TAS2R1: variants seen among roughly 807,000 people sequenced by gnomAD.
The protein encoded by TAS2R1 is taste receptor type 2 member 1.
For synonymous variants in TAS2R1, 141 were observed against 134.2 expected, an observed-to-expected ratio of 1.05 and a Z score of -0.35; for missense variants, 370 against 353.4, an observed-to-expected ratio of 1.05 and a Z score of -0.38.
At chr5:9,706,873 G>A (rs1741626135) in intron 1 of TAS2R1, among the ~76,000 whole-genome samples, 1 of 152,154 alleles carries the variant, frequency 6.6e-6, no homozygotes, top group Admixed American at 6.5e-5. Flanking sequence ...CGACAGGGCA[G>A]GGCTGGAGAA....
At chr5:9,690,704 A>G (rs1371946883) in intron 1 of TAS2R1, among the ~76,000 whole-genome samples, 1 of 151,902 alleles carries the variant, frequency 6.6e-6, no homozygotes, top group East Asian at 1.9e-4. Context: ...GTAACTGGAC[A>G]CAGACATAAA....
chr5:9,749,134 C>T, the TAS2R1 span, among the ~76,000 whole-genome samples: 1 of 152,122 alleles, frequency 6.6e-6, no homozygotes, highest in African/African-American at 2.4e-5. Flanking sequence ...CTGGAAAATA[C>T]AGAATTTTAC....
chr5:9,657,487 A>G (rs1361357117), intron 2 of TAS2R1, among the ~76,000 whole-genome samples: 2 of 152,212 alleles, frequency 1.3e-5, no homozygotes, highest in Non-Finnish European at 1.5e-5. Flanking sequence ...GACAAGAGAC[A>G]AGATGATGTT....
At chr5:9,893,596 C>A in the TAS2R1 span, among the ~76,000 whole-genome samples, 1 of 150,538 alleles carries the variant, frequency 6.6e-6, no homozygotes, top group Non-Finnish European at 1.5e-5. Context: ...GTAATACATA[C>A]TTGTAATAAA....
chr5:9,782,318 T>C, the TAS2R1 span, among the ~76,000 whole-genome samples: 1 of 152,240 alleles, frequency 6.6e-6, no homozygotes, highest in Non-Finnish European at 1.5e-5. Flanking sequence ...TTTGCAGGTT[T>C]CTGGAAGATT....
the TAS2R1 span, among the ~76,000 whole-genome samples, chr5:9,766,895 C>T: frequency 2.0e-5 from 3 of 152,202 alleles, no homozygotes; most frequent in African/African-American, 7.2e-5. Context: ...GTTTCCTCCA[C>T]CGCCCTGGCT....
At chr5:9,662,488 A>AGTT (rs751593488) in intron 1 of TAS2R1, among the ~76,000 whole-genome samples, 1 of 152,174 alleles carries the variant, frequency 6.6e-6, no homozygotes, top group Non-Finnish European at 1.5e-5. Flanking sequence ...CAGGAGTGAC[A>AGTT]GTTGTCACTC....
chr5:9,726,421 G>A, the TAS2R1 span, among the ~76,000 whole-genome samples: 1 of 152,138 alleles, frequency 6.6e-6, no homozygotes, highest in Non-Finnish European at 1.5e-5. Context: ...ATAAAAGCAG[G>A]TTGTCCGAGC....
chr5:9,900,659 C>T, the TAS2R1 span, among the ~76,000 whole-genome samples: 3 of 136,248 alleles, frequency 2.2e-5, no homozygotes, highest in African/African-American at 5.6e-5. Context: ...CTGGCTCTGT[C>T]GCCCAGGCTG....
the TAS2R1 span, among the ~76,000 whole-genome samples, chr5:9,808,875 G>T: frequency 6.6e-6 from 1 of 152,110 alleles, no homozygotes; most frequent in Non-Finnish European, 1.5e-5. Context: ...TAGGGGTGGG[G>T]CCACTGAAGA....
At chr5:9,864,103 G>A in the TAS2R1 span, among the ~76,000 whole-genome samples, 1 of 152,234 alleles carries the variant, frequency 6.6e-6, no homozygotes, top group African/African-American at 2.4e-5. Context: ...TTCTTCTGGG[G>A]TTGGGAAGAG....
intron 1 of TAS2R1, among the ~76,000 whole-genome samples, chr5:9,679,334 G>A (rs981953464): frequency 2.6e-5 from 4 of 152,118 alleles, no homozygotes; most frequent in Non-Finnish European, 4.4e-5. Context: ...CGCAAAGAAC[G>A]AACCTTAGTG....
the TAS2R1 span, among the ~76,000 whole-genome samples, chr5:9,874,933 C>T: frequency 6.6e-6 from 1 of 152,128 alleles, no homozygotes; most frequent in South Asian, 2.1e-4. Context: ...GGACATCATC[C>T]CTCAGACCTG....
At chr5:9,808,336 A>G in the TAS2R1 span, among the ~76,000 whole-genome samples, 1 of 152,160 alleles carries the variant, frequency 6.6e-6, no homozygotes, top group Non-Finnish European at 1.5e-5. Context: ...TCATAAATGA[A>G]GTTAGCTATT....
At chr5:9,764,121 AGACT>A in the TAS2R1 span, among the ~76,000 whole-genome samples, 4 of 152,276 alleles carry the variant, frequency 2.6e-5, no homozygotes, top group African/African-American at 9.6e-5. Context: ...ACAGAAAGAC[AGACT>A]ATTTGAAATT....
chr5:9,649,648 A>G (rs1740263706), intron 2 of TAS2R1, among the ~76,000 whole-genome samples: 2 of 152,224 alleles, frequency 1.3e-5, no homozygotes, highest in Admixed American at 6.5e-5. Flanking sequence ...ATGCCCATGC[A>G]TGTTTTAGCA....
At chr5:9,829,271 ACTT>A in the TAS2R1 span, among the ~76,000 whole-genome samples, 28 of 152,210 alleles carry the variant, frequency 1.8e-4, no homozygotes, top group Admixed American at 1.5e-3. Context: ...CCTCACTAGC[ACTT>A]CTTCTTAATC....
At chr5:9,888,126 T>G in the TAS2R1 span, among the ~76,000 whole-genome samples, 1 of 152,098 alleles carries the variant, frequency 6.6e-6, no homozygotes, top group Non-Finnish European at 1.5e-5. Context: ...ACTCTGAGTG[T>G]AGGCCCCCAT....
chr5:9,837,676 C>T, the TAS2R1 span, among the ~76,000 whole-genome samples: 1 of 152,180 alleles, frequency 6.6e-6, no homozygotes, highest in African/African-American at 2.4e-5. Flanking sequence ...ACACACGTCT[C>T]CACTGGAAAC....
Sources: gnomAD v4.1 joint callset for allele counts (sites outside exome capture counted in the v4.1 genomes callset) on GRCh38, gnomAD v4.1.1 for gene constraint, MANE v1.5 for transcripts, NCBI Gene and HGNC (gene_info 2026-07-23, HGNC 2026-07-21) for gene names.